Variants in PIEZO2 observed in about 807,000 individuals in gnomAD.
PIEZO2 encodes piezo type mechanosensitive ion channel component 2, also known as piezo-type mechanosensitive ion channel component 2.
Under a neutral mutation model 337.3 loss-of-function variants are expected in PIEZO2, and 172 were observed. The ratio of observed to expected loss-of-function variants is 0.51; its 90% confidence interval spans 0.45 to 0.58. The LOEUF (loss-of-function observed/expected upper bound fraction) is 0.58. Among genes scored for constraint, PIEZO2 ranks in the 20% least tolerant of loss-of-function variants. PIEZO2 has a pLI of 0.00. For synonymous variants in PIEZO2, 1,251 were observed against 1,228.5 expected, an observed-to-expected ratio of 1.02 and a Z score of -0.38; for missense variants, 3,028 against 3,391.3, an observed-to-expected ratio of 0.89 and a Z score of 2.66.
chr18:10,784,915 T>G lies in PIEZO2; in HGVS notation c.2361A>C (p.Leu787=). The G allele has an allele frequency of 6.5e-7, 1 of 1,537,248 alleles. No individual in the cohort carries two copies. The highest frequency in any genetic ancestry group is 8.7e-7 in the Non-Finnish European group (1 of 1,146,878). The change falls in exon 17 of 56, where the codon CTA becomes CTC. Residue 787 remains leucine, a synonymous_variant. Coordinates refer to ENST00000674853, the MANE Select transcript of PIEZO2 (RefSeq NM_001378183.1). This position sits in a 1 kb window ranked among gnomAD's most constrained non-coding sequence, Gnocchi z 4.5. The stretch of plus-strand genomic sequence containing the variant: ...AGGTTGGGATGAATATGCGAGTGAA[T>G]AGTTCAGCCACAGTAAACTGCTTTA... The part of the protein sequence containing the change: ...LGLKQFTVAE[L]FTRIFIPTSF...
intron 4 of PIEZO2, among the ~76,000 whole-genome samples, chr18:10,886,380 G>GTATA (rs1173330460): frequency 0.021 from 65 of 3,026 alleles, 8 homozygotes; most frequent in Non-Finnish European, 0.026. Flanking sequence ...GTGTGTGTGT[G>GTATA]TATATATATA....
At chr18:10,892,292 T>C (rs1007400293) in intron 4 of PIEZO2, among the ~76,000 whole-genome samples, 5 of 152,110 alleles carry the variant, frequency 3.3e-5, no homozygotes, top group Admixed American at 2.0e-4. Context: ...TAAAAATTAA[T>C]TAATTAAACA....
intron 49 of PIEZO2, among the ~76,000 whole-genome samples, chr18:10,684,273 C>T (rs1369072857): frequency 7.2e-6 from 1 of 139,760 alleles, no homozygotes; most frequent in African/African-American, 2.7e-5. Flanking sequence ...TCACGCCATT[C>T]TCCTGCCTCA....
chr18:10,810,395 A>G (rs1416646667), intron 7 of PIEZO2, among the ~76,000 whole-genome samples: 1 of 151,984 alleles, frequency 6.6e-6, no homozygotes, highest in Non-Finnish European at 1.5e-5. Flanking sequence ...ACACATCCTT[A>G]CTTCAATTAT....
At chr18:10,704,819 G>A (rs2035503138) in intron 41 of PIEZO2, among the ~76,000 whole-genome samples, 167 bp from the exon 42 acceptor site, 2 of 151,938 alleles carry the variant, frequency 1.3e-5, no homozygotes, top group East Asian at 1.9e-4. Context: ...TGAGTACCTG[G>A]GATTACAGGT....
intron 2 of PIEZO2, among the ~76,000 whole-genome samples, chr18:11,018,822 T>C (rs1047639944): frequency 1.3e-5 from 2 of 152,172 alleles, no homozygotes; most frequent in Non-Finnish European, 2.9e-5. Context: ...ACATATCTTT[T>C]TGAGGTATAC....
intron 2 of PIEZO2, among the ~76,000 whole-genome samples, chr18:11,059,530 C>A (rs570188667): frequency 1.3e-5 from 2 of 152,252 alleles, no homozygotes; most frequent in South Asian, 2.1e-4. Context: ...TGCAGAGACA[C>A]ACATAGGCTC....
chr18:10,987,399 A>G (rs1041011405), intron 2 of PIEZO2, among the ~76,000 whole-genome samples: 4 of 152,142 alleles, frequency 2.6e-5, no homozygotes, highest in African/African-American at 9.7e-5. Flanking sequence ...CTGAGAAGTT[A>G]ACCCACAAAT....
intron 3 of PIEZO2, among the ~76,000 whole-genome samples, chr18:10,922,904 G>A (rs1426415642): frequency 6.6e-6 from 1 of 152,040 alleles, no homozygotes; most frequent in African/African-American, 2.4e-5. Context: ...TAAGCATATG[G>A]CCATGTTCTT....
intron 32 of PIEZO2, among the ~76,000 whole-genome samples, 177 bp downstream of exon 32, chr18:10,742,317 T>C (rs2037257151): frequency 6.6e-6 from 1 of 152,252 alleles, no homozygotes; most frequent in Non-Finnish European, 1.5e-5. Context: ...ATCAAATACA[T>C]ACTTTATGAA....
chr18:11,040,755 A>G (rs988003684), intron 2 of PIEZO2, among the ~76,000 whole-genome samples: 32 of 152,210 alleles, frequency 2.1e-4, no homozygotes, highest in African/African-American at 7.7e-4. Flanking sequence ...TTTCACATTA[A>G]GTCAGTTCTT....
rs1385355381 is a variant in PIEZO2 at position 10,940,065 on chromosome 18, G to A, written c.287-28837C>T. ...ATTATCTATACTCTGGGGACAGTGA[G>A]TTTCCCCTCATCAGAAACAAACTCC... is the stretch of plus-strand genomic sequence containing the variant. On this transcript the variant is annotated intron_variant, in intron 3 of 55. Transcript: ENST00000674853. This position sits in a 1 kb window ranked among gnomAD's most constrained non-coding sequence, Gnocchi z 5.3. 6.6e-6 allele frequency among the ~76,000 whole-genome samples: 1 copy of A among 152,204 alleles called. No homozygotes were observed. The highest frequency in any genetic ancestry group is 1.9e-4 in the East Asian group (1 of 5,196).
intron 2 of PIEZO2, among the ~76,000 whole-genome samples, chr18:11,040,372 A>C (rs1407308863): frequency 6.6e-6 from 1 of 152,206 alleles, no homozygotes; most frequent in African/African-American, 2.4e-5. Context: ...GTCCTAACTA[A>C]GAAAATATCC....
At position 10,762,950 on chromosome 18, in the gene PIEZO2, G is replaced by A; in HGVS notation, c.3095C>T (p.Pro1032Leu). The A allele has an allele frequency of 8.5e-6, 13 of 1,537,298 alleles. No homozygotes were observed. Among genetic ancestry groups the A allele is most frequent in the Non-Finnish European group, 1.1e-5 (13 of 1,146,920 alleles). ...GGAACAGTTAACAGAGAAGTTCTCA[G>A]GCTTAATGGTTTGGAGCTGGTACAA... ...KMLYQLQTIKPENFSVNCSLP... is the reference protein window; with the variant it reads ...KMLYQLQTIKLENFSVNCSLP... The change falls in exon 22 of 56, where the codon CCT (proline) becomes CTT (leucine). Residue 1032 changes from proline (P) to leucine (L), a missense_variant. Around this residue, in one of 5 missense-constraint regions of PIEZO2, gnomAD observed 1,925 missense variants for 2,051.9 expected, o/e 0.94. Transcript: ENST00000674853.
chr18:10,696,663 C>T, intron 45 of PIEZO2, 124 bp from the exon 46 acceptor site: 1 of 1,082,708 alleles, frequency 9.2e-7, no homozygotes, highest in Non-Finnish European at 1.3e-6. Flanking sequence ...TCCCACCTTC[C>T]TCTCTCTGCC....
chr18:10,810,938 T>A (rs1448692655), intron 7 of PIEZO2, among the ~76,000 whole-genome samples: 1 of 152,122 alleles, frequency 6.6e-6, no homozygotes, highest in Non-Finnish European at 1.5e-5. Context: ...ATTACAGGGG[T>A]CACACAGGAT....
rs532226484 is a variant in PIEZO2 at position 10,888,769 on chromosome 18, G to A, written c.330-17354C>T. 6.6e-6 allele frequency among the ~76,000 whole-genome samples: 1 copy of A among 151,860 alleles called. No homozygotes were observed. Among genetic ancestry groups the A allele is most frequent in the Non-Finnish European group, 1.5e-5 (1 of 67,960 alleles). ...ATATTTAGTTAAGTTCCCCATCAGTGATTTGTTTAATGTAACTAATTCCCA... is the reference window on the plus strand; with the variant it reads ...ATATTTAGTTAAGTTCCCCATCAGTAATTTGTTTAATGTAACTAATTCCCA... On this transcript the variant is annotated intron_variant, in intron 4 of 55. Transcript: ENST00000674853. This position sits in a 1 kb window ranked among gnomAD's most constrained non-coding sequence, Gnocchi z 4.1.
chr18:10,764,608 A>T (rs967778369), intron 21 of PIEZO2, among the ~76,000 whole-genome samples: 4 of 151,158 alleles, frequency 2.6e-5, no homozygotes, highest in South Asian at 4.2e-4. Context: ...AAAAAAGTTT[A>T]AAAAATTATA....
Position 10,861,083 on chromosome 18 carries a change from C to T in PIEZO2, c.493-3872G>A, listed in dbSNP as rs1274499163. On this transcript the variant is annotated intron_variant, in intron 5 of 55. Coordinates refer to ENST00000674853, the MANE Select transcript of PIEZO2 (RefSeq NM_001378183.1). The surrounding 1 kb of genome is among the most constrained non-coding windows in gnomAD (Gnocchi z 4.3). ...TTATTAACAGGCAGGCTTTTTCCCC[C>T]AAAGTGATTCTTCTGCTGATGTATA... 2.0e-5 allele frequency among the ~76,000 whole-genome samples: 3 copies of T among 152,206 alleles called. No homozygotes were observed. Among genetic ancestry groups the T allele is most frequent in the African/African-American group, 7.2e-5 (3 of 41,452 alleles).
Sources: gnomAD v4.1 joint callset for allele counts (sites outside exome capture counted in the v4.1 genomes callset) on GRCh38, gnomAD v4.1.1 for gene constraint, gnomAD v4.1.1 regional missense constraint, Gnocchi (gnomAD v3.1) non-coding constraint, MANE v1.5 for transcripts, NCBI Gene and HGNC (gene_info 2026-07-23, HGNC 2026-07-21) for gene names.